KCNJ6: variants seen among roughly 807,000 people sequenced by gnomAD.
KCNJ6 encodes potassium inwardly rectifying channel subfamily J member 6.
Under a neutral mutation model 34.2 loss-of-function variants are expected in KCNJ6, and 9 were observed. That is an observed-to-expected ratio of 0.26 (90% CI 0.16 to 0.46). The LOEUF (loss-of-function observed/expected upper bound fraction) is 0.46. KCNJ6 is among the 20% of genes least tolerant of loss of function. The pLI, the probability that KCNJ6 is intolerant of heterozygous loss-of-function variation, is 1.00. For synonymous variants in KCNJ6, 196 were observed against 207.1 expected (o/e 0.95, Z 0.46); for missense variants, 236 against 531.3 (o/e 0.44, Z 5.46).
chr21:37,855,519 T>C (rs959794002), intron 1 of KCNJ6, among the ~76,000 whole-genome samples: 4 of 152,250 alleles, frequency 2.6e-5, no homozygotes, highest in Admixed American at 1.3e-4. Context: ...TGGATTTGCA[T>C]CTTTTGTGCA....
At chr21:37,871,043 A>G (rs1011106608) in intron 1 of KCNJ6, among the ~76,000 whole-genome samples, 1 of 151,930 alleles carries the variant, frequency 6.6e-6, no homozygotes, top group East Asian at 1.9e-4. Context: ...CTTCTCTCCC[A>G]TTCATTACCT....
chr21:37,780,252 T>A (rs978091182), intron 2 of KCNJ6, among the ~76,000 whole-genome samples: 2 of 152,182 alleles, frequency 1.3e-5, no homozygotes, highest in Admixed American at 6.6e-5. Context: ...TATGACATTC[T>A]GCAAAAGGCA....
intron 3 of KCNJ6, among the ~76,000 whole-genome samples, chr21:37,697,641 G>A (rs1439881820): frequency 1.3e-5 from 2 of 152,176 alleles, no homozygotes; most frequent in African/African-American, 4.8e-5. Context: ...TTGGTTTGGT[G>A]ATGAGAAAGT....
intron 1 of KCNJ6, among the ~76,000 whole-genome samples, chr21:37,914,193 T>G (rs2055882337): frequency 1.3e-5 from 2 of 152,148 alleles, no homozygotes; most frequent in Non-Finnish European, 2.9e-5. Flanking sequence ...ATGGATGATT[T>G]GCAAGCTTCT....
chr21:37,627,935 C>G (rs1056835050), intron 3 of KCNJ6, among the ~76,000 whole-genome samples: 1 of 152,154 alleles, frequency 6.6e-6, no homozygotes, highest in Non-Finnish European at 1.5e-5. Context: ...ATTAGCTGAT[C>G]ACTAAATTAA....
intron 2 of KCNJ6, among the ~76,000 whole-genome samples, chr21:37,761,334 G>A (rs568962805): frequency 6.7e-6 from 1 of 149,518 alleles, no homozygotes; most frequent in Non-Finnish European, 1.5e-5. Context: ...GTGTATTAGT[G>A]TGTGTATATT....
chr21:37,871,422 G>C (rs1307442008), intron 1 of KCNJ6, among the ~76,000 whole-genome samples: 9 of 152,204 alleles, frequency 5.9e-5, no homozygotes, highest in Admixed American at 3.3e-4. Context: ...GGCTGATATA[G>C]ACCCTGTACA....
At chr21:37,847,423 C>A (rs1601499397) in intron 1 of KCNJ6, among the ~76,000 whole-genome samples, 1 of 127,528 alleles carries the variant, frequency 7.8e-6, no homozygotes, top group South Asian at 2.6e-4. Context: ...ACGGTGCCAC[C>A]TGCAACCCTA....
intron 2 of KCNJ6, among the ~76,000 whole-genome samples, chr21:37,735,140 G>C (rs188065471): frequency 6.6e-6 from 1 of 152,246 alleles, no homozygotes; most frequent in East Asian, 1.9e-4. Flanking sequence ...TCAGTAGAAA[G>C]AGACATGACT....
chr21:37,616,546 A>T lies in KCNJ6; in HGVS notation c.*8613T>A, dbSNP rs2054267353. 1 of 134,128 alleles carries T rather than the reference A, an allele frequency of 7.5e-6. No homozygotes were observed. The highest frequency in any genetic ancestry group is 1.6e-5 in the Non-Finnish European group (1 of 63,328). The allele number at this position is 134,128 out of a possible 1,614,324, so 8.3% of individuals were successfully genotyped here. ...GAGACCATGTATACGCCCAACCATC[A>T]CTCATAGACTCTCTGGGCAATTATG... On this transcript the variant is annotated 3_prime_UTR_variant, in exon 4 of 4. Coordinates refer to ENST00000609713, the MANE Select transcript of KCNJ6 (RefSeq NM_002240.5).
chr21:37,881,591 C>G (rs1214225895), intron 1 of KCNJ6, among the ~76,000 whole-genome samples: 1 of 152,122 alleles, frequency 6.6e-6, no homozygotes, highest in Non-Finnish European at 1.5e-5. Context: ...TCACAGCTCA[C>G]TATAATCTCC....
chr21:37,764,878 C>G (rs1231685919), intron 2 of KCNJ6, among the ~76,000 whole-genome samples: 1 of 152,140 alleles, frequency 6.6e-6, no homozygotes. Flanking sequence ...CAGCCAGAAG[C>G]CTTGCTCTAA....
chr21:37,784,579 T>C (rs758969287), intron 2 of KCNJ6, among the ~76,000 whole-genome samples: 7 of 152,174 alleles, frequency 4.6e-5, no homozygotes, highest in Non-Finnish European at 8.8e-5. Context: ...CTGGATAGCA[T>C]GGGGCCTTTC....
At chr21:37,821,141 G>T (rs2055371078) in intron 2 of KCNJ6, among the ~76,000 whole-genome samples, 1 of 152,190 alleles carries the variant, frequency 6.6e-6, no homozygotes, top group Admixed American at 6.5e-5. Flanking sequence ...TTTTGTGAAG[G>T]TGTGACTAAA....
chr21:37,672,675 A>G (rs1254720061), intron 3 of KCNJ6, among the ~76,000 whole-genome samples: 1 of 152,200 alleles, frequency 6.6e-6, no homozygotes, highest in Non-Finnish European at 1.5e-5. Flanking sequence ...CTAATCAAAA[A>G]GGAAATAAAG....
At chr21:37,720,046 A>T (rs1378079744) in intron 2 of KCNJ6, among the ~76,000 whole-genome samples, 1 of 152,132 alleles carries the variant, frequency 6.6e-6, no homozygotes, top group Non-Finnish European at 1.5e-5. Flanking sequence ...GTACCTGCAA[A>T]GTCAAAGATT....
intron 2 of KCNJ6, among the ~76,000 whole-genome samples, chr21:37,740,999 C>A (rs1165920817): frequency 6.6e-6 from 1 of 152,220 alleles, no homozygotes; most frequent in Non-Finnish European, 1.5e-5. Context: ...TGTCTTCAGC[C>A]TCTTTTTCTT....
At chr21:37,841,460 CT>C (rs1295372655) in intron 1 of KCNJ6, among the ~76,000 whole-genome samples, 1 of 152,150 alleles carries the variant, frequency 6.6e-6, no homozygotes, top group Admixed American at 6.5e-5. Flanking sequence ...TATTATTATA[CT>C]TTTTTTGTAG....
chr21:37,730,129 T>G (rs777339828), intron 2 of KCNJ6, among the ~76,000 whole-genome samples: 3 of 152,234 alleles, frequency 2.0e-5, no homozygotes, highest in Non-Finnish European at 4.4e-5. Context: ...AAGAAATCTA[T>G]TGCTCCTGAT....
Sources: allele counts gnomAD v4.1 joint callset (sites outside exome capture counted in the v4.1 genomes callset), GRCh38; gene constraint gnomAD v4.1.1; transcripts MANE v1.5; gene names NCBI Gene and HGNC (gene_info 2026-07-23, HGNC 2026-07-21).